Variants in ARIH1 observed in about 807,000 individuals in gnomAD.
ARIH1 encodes the protein ariadne RBR E3 ubiquitin protein ligase 1.
ARIH1 carries 8 observed loss-of-function variants against 85.0 expected under a neutral mutation model. The ratio of observed to expected loss-of-function variants is 0.09; its 90% CI spans 0.06 to 0.17. ARIH1 has a LOEUF of 0.17. Ranked by LOEUF, ARIH1 falls within the 10% of genes least tolerant of loss-of-function variation. The pLI, the probability that ARIH1 is intolerant of heterozygous loss-of-function variation, is 1.00. For synonymous variants in ARIH1, 238 were observed against 253.6 expected (o/e 0.94, Z 0.59); for missense variants, 311 against 718.1 (o/e 0.43, Z 6.48).
intron 2 of ARIH1, among the ~76,000 whole-genome samples, chr15:72,534,324 C>T (rs1309981276): frequency 1.3e-5 from 2 of 151,366 alleles, no homozygotes; most frequent in African/African-American, 2.4e-5. Flanking sequence ...AGTGATCATA[C>T]GTTTAGGGGG....
intron 1 of ARIH1, among the ~76,000 whole-genome samples, chr15:72,486,288 C>G (rs2063837132): frequency 6.6e-6 from 1 of 152,164 alleles, no homozygotes; most frequent in African/African-American, 2.4e-5. Flanking sequence ...AAATTGTACA[C>G]CATTCTGAGT....
intron 1 of ARIH1, among the ~76,000 whole-genome samples, chr15:72,484,637 A>T (rs1433819071): frequency 1.3e-5 from 2 of 151,452 alleles, no homozygotes; most frequent in African/African-American, 2.4e-5. Flanking sequence ...CATCATATAT[A>T]TATATATATG....
rs2064379975 is a variant in ARIH1 at position 72,600,807 on chromosome 15, G to A, written c.*17515G>A. On this transcript the variant is annotated 3_prime_UTR_variant, in exon 14 of 14. Transcript: ENST00000379887. ...TGAAAAAGGCCCTGGTACAGAAAGT[G>A]TTCTATCTTCCTCACAAGATCTGAG... The A allele has an allele frequency of 6.6e-6, 1 of 152,152 alleles. No homozygotes were observed. Among genetic ancestry groups the A allele is most frequent in the South Asian group, 2.1e-4 (1 of 4,832 alleles). 9.4% of individuals were successfully genotyped at this position (152,152 alleles called of 1,614,324 possible). A position where few individuals can be genotyped will look rare whatever the true frequency, so the allele number is the denominator to read the frequency against.
chr15:72,512,903 A>G (rs944004757), intron 1 of ARIH1, among the ~76,000 whole-genome samples: 1 of 151,926 alleles, frequency 6.6e-6, no homozygotes, highest in African/African-American at 2.4e-5. Context: ...TTTTTTCTTT[A>G]TTTTGAAGTT....
In ARIH1 at chr15:72,474,669, G is replaced by A. The variant is rs745772949; in HGVS notation, c.30G>A (p.Glu10=). The change falls in exon 1 of 14, where the codon GAG becomes GAA. Residue 10 remains glutamate (E), a synonymous_variant. Transcript: ENST00000379887. ...ACTCGGACGAGGGCTACAACTACGA[G>A]TTCGACGAGGACGAGGAGTGCAGTG... is the stretch of plus-strand genomic sequence containing the variant. MDSDEGYNY[E]FDEDEECSEE... 8 of 1,561,424 alleles carry A rather than the reference G, an allele frequency of 5.1e-6. No individual in the cohort carries two copies. The East Asian group carries it at 2.0e-4, about 39-fold the overall frequency.
At chr15:72,485,827 ATAAATAGCT>A (rs1203858662) in intron 1 of ARIH1, among the ~76,000 whole-genome samples, 4 of 152,212 alleles carry the variant, frequency 2.6e-5, no homozygotes, top group Non-Finnish European at 5.9e-5. Context: ...GTAACTTTGT[ATAAATAGCT>A]TAATTATTTT....
intron 11 of ARIH1, among the ~76,000 whole-genome samples, chr15:72,572,791 A>T (rs1035860434): frequency 6.6e-6 from 1 of 152,158 alleles, no homozygotes; most frequent in Non-Finnish European, 1.5e-5. Flanking sequence ...GCAATATCTT[A>T]CTTACTTAAA....
chr15:72,480,781 T>C (rs1325336784), intron 1 of ARIH1, among the ~76,000 whole-genome samples: 1 of 152,166 alleles, frequency 6.6e-6, no homozygotes, highest in African/African-American at 2.4e-5. Flanking sequence ...GTCAGGCTGG[T>C]CTCAAACTCC....
intron 3 of ARIH1, among the ~76,000 whole-genome samples, chr15:72,546,939 G>T (rs199605507): frequency 2.8e-5 from 4 of 142,900 alleles, no homozygotes; most frequent in African/African-American, 1.1e-4. Context: ...TTTGGAGGGG[G>T]GGGGGTGGGA....
chr15:72,580,693 GTTATAA>G, intron 11 of ARIH1, 32 bp from the exon 12 acceptor site: 1 of 1,576,306 alleles, frequency 6.3e-7, no homozygotes, highest in Non-Finnish European at 8.6e-7. Flanking sequence ...CAGTTTATGT[GTTATAA>G]TTATATCACC....
chr15:72,549,555 C>T (rs1406170553), intron 3 of ARIH1, among the ~76,000 whole-genome samples: 1 of 152,134 alleles, frequency 6.6e-6, no homozygotes, highest in Non-Finnish European at 1.5e-5. Flanking sequence ...CTTGAAAATA[C>T]CTACGTCCCA....
intron 2 of ARIH1, among the ~76,000 whole-genome samples, chr15:72,537,610 A>G (rs1295422583): frequency 1.3e-5 from 2 of 152,176 alleles, no homozygotes; most frequent in Non-Finnish European, 2.9e-5. Flanking sequence ...ATTTAAATGA[A>G]TTTAAGATAT....
intron 11 of ARIH1, among the ~76,000 whole-genome samples, chr15:72,577,277 C>G (rs370572555): frequency 3.3e-5 from 5 of 152,168 alleles, no homozygotes; most frequent in African/African-American, 1.2e-4. Flanking sequence ...GAGCCACTCA[C>G]TGTGCCTGGC....
At chr15:72,503,728 C>G (rs1274133832) in intron 1 of ARIH1, among the ~76,000 whole-genome samples, 4 of 152,104 alleles carry the variant, frequency 2.6e-5, no homozygotes, top group African/African-American at 9.7e-5. Flanking sequence ...TTTTCTTGAC[C>G]CCTTCTTTGG....
chr15:72,587,137 T>C lies in ARIH1; in HGVS notation c.*3845T>C. 1 of 456,688 alleles carries C rather than the reference T, an allele frequency of 2.2e-6. No homozygotes were observed. Among genetic ancestry groups the C allele is most frequent in the South Asian group, 1.6e-5 (1 of 62,228 alleles). The allele number at this position is 456,688 out of a possible 1,614,324, so 28.3% of individuals were successfully genotyped here. On this transcript the variant is annotated 3_prime_UTR_variant, in exon 14 of 14. Coordinates refer to ENST00000379887, the MANE Select transcript of ARIH1 (RefSeq NM_005744.5). ...CTGTCTAAAACAAGTGGAGAAGAAATTGCCATTTTTTATAAAGGAGGAAGA... is the reference window on the plus strand; with the variant it reads ...CTGTCTAAAACAAGTGGAGAAGAAACTGCCATTTTTTATAAAGGAGGAAGA...
At chr15:72,475,218 T>TG in intron 1 of ARIH1, 1 of 1,174,886 alleles carries the variant, frequency 8.5e-7, no homozygotes, top group Non-Finnish European at 1.1e-6. Flanking sequence ...GGAGGTGCGC[T>TG]GGGGGCGGTG....
intron 2 of ARIH1, among the ~76,000 whole-genome samples, chr15:72,544,338 T>G (rs887953442): frequency 5.9e-5 from 9 of 152,182 alleles, no homozygotes; most frequent in African/African-American, 2.2e-4. Context: ...TTAACTAAAA[T>G]TATTAATAAA....
At chr15:72,561,959 C>T (rs765272887) in intron 6 of ARIH1, among the ~76,000 whole-genome samples, 2 of 151,906 alleles carry the variant, frequency 1.3e-5, no homozygotes, top group East Asian at 3.9e-4. Context: ...GGTGACAGAG[C>T]GAGACTCCCT....
intron 5 of ARIH1, among the ~76,000 whole-genome samples, chr15:72,559,765 A>G (rs774176835): frequency 3.3e-5 from 5 of 152,076 alleles, no homozygotes; most frequent in Non-Finnish European, 7.3e-5. Context: ...TATTCTAGAC[A>G]TTTCATATAA....
Sources: allele counts gnomAD v4.1 joint callset (sites outside exome capture counted in the v4.1 genomes callset), GRCh38; gene constraint gnomAD v4.1.1; transcripts MANE v1.5; gene names NCBI Gene and HGNC (gene_info 2026-07-23, HGNC 2026-07-21).